The following ARHGAP15 variants were observed in gnomAD, a reference collection of about 807,000 sequenced individuals.
ARHGAP15 encodes the protein rho GTPase-activating protein 15.
In ARHGAP15, 51 loss-of-function variants were observed where a neutral mutation model predicts 63.7. The observed-to-expected ratio is 0.80, with a 90% CI of 0.64 to 1.01. ARHGAP15 has a LOEUF of 1.01. Among genes scored for constraint, ARHGAP15 ranks in the 50% least tolerant of loss-of-function variants. The probability of loss-of-function intolerance (pLI) is 0.00; values close to 1 mark genes in which losing one functional copy is unlikely to be tolerated. For synonymous variants in ARHGAP15, 191 were observed against 193.8 expected, an observed-to-expected ratio of 0.99 and a Z score of 0.12; for missense variants, 560 against 564.6, an observed-to-expected ratio of 0.99 and a Z score of 0.08.
chr2:143,148,324 G>T (rs1236241366), intron 1 of ARHGAP15, among the ~76,000 whole-genome samples: 1 of 152,012 alleles, frequency 6.6e-6, no homozygotes, highest in Non-Finnish European at 1.5e-5. Context: ...TAACTCCACT[G>T]CAGGGTGCTT....
At chr2:143,346,274 A>ACT (rs1553467354) in intron 6 of ARHGAP15, among the ~76,000 whole-genome samples, 297 of 150,252 alleles carry the variant, frequency 2.0e-3, no homozygotes, top group African/African-American at 6.3e-3. Context: ...ACACACACAC[A>ACT]CTCACAAACA....
intron 6 of ARHGAP15, among the ~76,000 whole-genome samples, chr2:143,315,076 A>C (rs1393006032): frequency 6.6e-6 from 1 of 152,184 alleles, no homozygotes; most frequent in African/African-American, 2.4e-5. Context: ...AGCCTATTTA[A>C]TCCTTCAAGG....
chr2:143,635,831 G>T (rs1680281416), intron 12 of ARHGAP15, among the ~76,000 whole-genome samples: 1 of 151,394 alleles, frequency 6.6e-6, no homozygotes, highest in East Asian at 1.9e-4. Context: ...GATGACAGCA[G>T]ATATATATAT....
At chr2:143,207,677 A>T (rs1380889138) in intron 3 of ARHGAP15, among the ~76,000 whole-genome samples, 1 of 152,084 alleles carries the variant, frequency 6.6e-6, no homozygotes, top group Non-Finnish European at 1.5e-5. Flanking sequence ...CTCTACTTGA[A>T]TTGAATTTCT....
intron 10 of ARHGAP15, among the ~76,000 whole-genome samples, chr2:143,550,543 G>T (rs941342649): frequency 6.6e-6 from 1 of 152,184 alleles, no homozygotes; most frequent in African/African-American, 2.4e-5. Context: ...AAGTCCCTCA[G>T]TTGTATTAAC....
At chr2:143,765,525 G>GCTAT (rs1453558028) in intron 13 of ARHGAP15, among the ~76,000 whole-genome samples, 2 of 152,132 alleles carry the variant, frequency 1.3e-5, no homozygotes, top group Non-Finnish European at 2.9e-5. Flanking sequence ...AGGTACAAAT[G>GCTAT]CTATCTGCTT....
intron 12 of ARHGAP15, among the ~76,000 whole-genome samples, chr2:143,635,477 G>A (rs1680267372): frequency 6.6e-6 from 1 of 151,918 alleles, no homozygotes; most frequent in Non-Finnish European, 1.5e-5. Context: ...GCCCTCCTCT[G>A]TCAATACAAG....
intron 6 of ARHGAP15, among the ~76,000 whole-genome samples, chr2:143,296,413 A>G (rs182956510): frequency 4.6e-5 from 7 of 152,204 alleles, no homozygotes; most frequent in Admixed American, 4.6e-4. Context: ...GTGATGTAGA[A>G]GGTGAATGAG....
At chr2:143,308,875 T>G (rs1683302786) in intron 6 of ARHGAP15, among the ~76,000 whole-genome samples, 3 of 132,862 alleles carry the variant, frequency 2.3e-5, no homozygotes, top group African/African-American at 8.3e-5. Flanking sequence ...ATATTAAACA[T>G]AAGGGCTAGT....
intron 6 of ARHGAP15, among the ~76,000 whole-genome samples, chr2:143,413,966 T>TGTGCGCGCGCGCGCGCGCGCGCGC: frequency 7.6e-5 from 9 of 117,908 alleles, no homozygotes; most frequent in Non-Finnish European, 1.4e-4. Context: ...TGTGTGTGTG[T>TGTGCGCGCGCGCGCGCGCGCGCGC]GCGCGCTCTC....
At chr2:143,382,771 C>G (rs973554303) in intron 6 of ARHGAP15, among the ~76,000 whole-genome samples, 1 of 152,178 alleles carries the variant, frequency 6.6e-6, no homozygotes, top group African/African-American at 2.4e-5. Flanking sequence ...TCGCCGGCTG[C>G]TGTCTTGTCT....
rs762847397 is a variant in ARHGAP15, at chr2:143,703,296, C to T, written c.1139-123C>T. 1.9e-5 allele frequency: 12 copies of T among 617,432 alleles called. No individual in the cohort carries two copies. The East Asian group carries it at 3.2e-4, about 16-fold the overall frequency. The allele number at this position is 617,432 out of a possible 1,614,324, so 38.2% of individuals were successfully genotyped here. A position where few individuals can be genotyped will look rare whatever the true frequency, so the allele number is the denominator to read the frequency against. On this transcript the variant is annotated intron_variant, in intron 12 of 13. Transcript: ENST00000295095. ...GGTTGAGTCCACCTATTCCCTTTGA[C>T]TACTGACTAGGACTCTTAGTTGCTA...
chr2:143,214,915 T>C (rs936123834), intron 3 of ARHGAP15, among the ~76,000 whole-genome samples: 1 of 152,226 alleles, frequency 6.6e-6, no homozygotes, highest in African/African-American at 2.4e-5. Flanking sequence ...GTATTGAAGA[T>C]AAATTTCTTG....
intron 6 of ARHGAP15, among the ~76,000 whole-genome samples, chr2:143,251,306 GTAAT>G (rs1680148578): frequency 6.6e-6 from 1 of 151,910 alleles, no homozygotes; most frequent in Non-Finnish European, 1.5e-5. Flanking sequence ...AAAGTAACCA[GTAAT>G]TAGATATATT....
At chr2:143,240,664 A>G (rs562694516) in intron 5 of ARHGAP15, among the ~76,000 whole-genome samples, 1 of 152,334 alleles carries the variant, frequency 6.6e-6, no homozygotes. Flanking sequence ...AGATTGCACC[A>G]TCATATGGCC....
In ARHGAP15 at chr2:143,692,909, C is replaced by A. The variant is rs577701505; in HGVS notation, c.1139-10510C>A. Reference sequence around the variant, plus strand: ...CACACATCACTGCAAGATACTGCACCTCAGGTTAAAGTTGATATTTTTTTC... The same window carrying A: ...CACACATCACTGCAAGATACTGCACATCAGGTTAAAGTTGATATTTTTTTC... On this transcript the variant is annotated intron_variant, in intron 12 of 13. Coordinates refer to ENST00000295095, the MANE Select transcript of ARHGAP15 (RefSeq NM_018460.4). 2.0e-4 allele frequency among the ~76,000 whole-genome samples: 31 copies of A among 152,220 alleles called. No individual in the cohort carries two copies. In the South Asian group the frequency reaches 6.2e-3, roughly 31 times the overall value.
At chr2:143,263,335 C>A (rs1026707374) in intron 6 of ARHGAP15, among the ~76,000 whole-genome samples, 5 of 152,172 alleles carry the variant, frequency 3.3e-5, no homozygotes, top group African/African-American at 1.2e-4. Flanking sequence ...TCAGAGAAAG[C>A]AAACCCATAG....
At chr2:143,302,617 C>A (rs1374297354) in intron 6 of ARHGAP15, among the ~76,000 whole-genome samples, 1 of 151,982 alleles carries the variant, frequency 6.6e-6, no homozygotes, top group Non-Finnish European at 1.5e-5. Flanking sequence ...GGAGATCAAG[C>A]ATTCTCCAGT....
At chr2:143,390,263 T>C (rs1687479220) in intron 6 of ARHGAP15, among the ~76,000 whole-genome samples, 1 of 152,158 alleles carries the variant, frequency 6.6e-6, no homozygotes, top group Admixed American at 6.6e-5. Context: ...AGCCTCAGAT[T>C]AATGCGAAGA....
Sources: allele counts gnomAD v4.1 joint callset (sites outside exome capture counted in the v4.1 genomes callset), GRCh38; gene constraint gnomAD v4.1.1; transcripts MANE v1.5; gene names NCBI Gene and HGNC (gene_info 2026-07-23, HGNC 2026-07-21).